The following TENM4 variants were observed in gnomAD, a reference collection of about 807,000 sequenced individuals.
TENM4 encodes teneurin transmembrane protein 4.
Under a neutral mutation model 243.3 loss-of-function variants are expected in TENM4, and 82 were observed. The observed-to-expected ratio is 0.34, with a 90% CI of 0.28 to 0.40. The LOEUF (loss-of-function observed/expected upper bound fraction) is 0.40. Among genes scored for constraint, TENM4 ranks in the 10% least tolerant of loss-of-function variants. The pLI, the probability that TENM4 is intolerant of heterozygous loss-of-function variation, is 1.00. For synonymous variants in TENM4, 1,412 were observed against 1,456.3 expected (o/e 0.97, Z 0.69); for missense variants, 3,138 against 3,673.3 (o/e 0.85, Z 3.77).
intron 19 of TENM4, among the ~76,000 whole-genome samples, chr11:78,751,176 T>G (rs1856183508): frequency 6.6e-6 from 1 of 152,230 alleles, no homozygotes; most frequent in South Asian, 2.1e-4. Context: ...CCAGCATGCT[T>G]GGGCAGCTTG....
At chr11:78,932,692 A>G (rs1375273706) in intron 6 of TENM4, among the ~76,000 whole-genome samples, 1 of 152,178 alleles carries the variant, frequency 6.6e-6, no homozygotes, top group Admixed American at 6.5e-5. Flanking sequence ...CAATTTTTCC[A>G]TGGACCAGTG....
chr11:79,233,442 A>G (rs1055183953), intron 2 of TENM4, among the ~76,000 whole-genome samples: 1 of 152,192 alleles, frequency 6.6e-6, no homozygotes, highest in Non-Finnish European at 1.5e-5. Context: ...ATTGTGGAAG[A>G]GGCAGGGGGA....
intron 19 of TENM4, among the ~76,000 whole-genome samples, chr11:78,748,884 T>A (rs1468670097): frequency 6.6e-6 from 1 of 152,118 alleles, no homozygotes; most frequent in Non-Finnish European, 1.5e-5. Flanking sequence ...CCAAACAACC[T>A]GGCAGGGTGG....
chr11:79,096,319 TAC>T (rs1861074405), intron 4 of TENM4: 2 of 152,092 alleles, frequency 1.3e-5, no homozygotes, highest in South Asian at 4.2e-4. Context: ...TGACATCGAG[TAC>T]ACAGTCAATG....
At chr11:79,337,275 G>T (rs1857162988) in intron 1 of TENM4, among the ~76,000 whole-genome samples, 1 of 152,220 alleles carries the variant, frequency 6.6e-6, no homozygotes, top group African/African-American at 2.4e-5. Flanking sequence ...ACTGGGAGGA[G>T]CAGATGTTTG....
At chr11:78,688,530 A>G (rs770839902) in intron 28 of TENM4, among the ~76,000 whole-genome samples, 3 of 152,094 alleles carry the variant, frequency 2.0e-5, no homozygotes, top group South Asian at 2.1e-4. Flanking sequence ...CTAGAATTCA[A>G]TTGTGAGGGG....
intron 6 of TENM4, among the ~76,000 whole-genome samples, chr11:79,045,276 C>G (rs143274164): frequency 3.3e-5 from 5 of 152,200 alleles, no homozygotes; most frequent in Non-Finnish European, 5.9e-5. Flanking sequence ...GGTCACAGCT[C>G]CACTGGGCAT....
At chr11:79,403,943 G>A (rs939303734) in intron 1 of TENM4, among the ~76,000 whole-genome samples, 4 of 152,218 alleles carry the variant, frequency 2.6e-5, no homozygotes, top group Admixed American at 6.5e-5. Context: ...ATGGTCACAT[G>A]CCCAGAGAAT....
intron 3 of TENM4, among the ~76,000 whole-genome samples, chr11:79,170,740 C>G (rs736392): frequency 0.32 from 49,245 of 152,072 alleles, 8,234 homozygotes; most frequent in East Asian, 0.43. Flanking sequence ...CTGACACCTG[C>G]CTTTCAGACT....
chr11:78,955,319 G>A (rs1857186092), intron 6 of TENM4, among the ~76,000 whole-genome samples: 1 of 152,234 alleles, frequency 6.6e-6, no homozygotes, highest in African/African-American at 2.4e-5. Flanking sequence ...ACAAATGTTA[G>A]TTCTACTAAT....
At chr11:78,771,662 G>T (rs1856649384) in intron 17 of TENM4, among the ~76,000 whole-genome samples, 1 of 152,170 alleles carries the variant, frequency 6.6e-6, no homozygotes, top group Admixed American at 6.5e-5. Context: ...TTGGACCCTA[G>T]GCTTTTCATT....
chr11:78,669,880 C>T lies in TENM4; in HGVS notation c.6465G>A (p.Gln2155=). 6.2e-7 allele frequency: 1 copy of T among 1,613,828 alleles called. No homozygotes were observed. Among genetic ancestry groups the T allele is most frequent in the Non-Finnish European group, 8.5e-7 (1 of 1,179,836 alleles). The change falls in exon 32 of 34, where the codon CAG becomes CAA. Residue 2155 remains glutamine (Q), a synonymous_variant. Coordinates refer to ENST00000278550, the MANE Select transcript of TENM4 (RefSeq NM_001098816.3). This position sits in a 1 kb window ranked among gnomAD's most constrained non-coding sequence, Gnocchi z 6.4. The part of the protein sequence containing the change: ...FDAYGRMKEV[Q]YEIFRSLMYW... ...ACATGAGCGAGCGGAAGATCTCATA[C>T]TGCACTTCCTTCATCCTGCCATATG...
At chr11:78,865,046 A>G (rs1858934703) in intron 9 of TENM4, among the ~76,000 whole-genome samples, 1 of 152,208 alleles carries the variant, frequency 6.6e-6, no homozygotes, top group Admixed American at 6.5e-5. Context: ...ACTTGTATAT[A>G]TTAATCCTCA....
At chr11:78,896,465 T>G (rs1565428549) in intron 7 of TENM4, among the ~76,000 whole-genome samples, 1 of 152,114 alleles carries the variant, frequency 6.6e-6, no homozygotes. Flanking sequence ...TGCTAGCTAT[T>G]CACCCTCATG....
Position 78,702,043 on chromosome 11 carries a change from A to G in TENM4, c.4570T>C (p.Phe1524Leu). Residue 1524 changes from phenylalanine (F) to leucine (L), a missense_variant, in exon 28 of 34, where the codon TTT becomes CTT. Coordinates refer to ENST00000278550, the MANE Select transcript of TENM4 (RefSeq NM_001098816.3). The part of the protein sequence containing the change: ...DCKNDANCDC[F>L]SGDDGYAKDA... ...TTGGCATAACCATCGTCTCCAGAAA[A>G]ACAATCACAGTTGGCATCATTTTTA... is the stretch of plus-strand genomic sequence containing the variant. 1 of 1,613,772 alleles carries G rather than the reference A, an allele frequency of 6.2e-7. No individual in the cohort carries two copies. The highest frequency in any genetic ancestry group is 8.5e-7 in the Non-Finnish European group (1 of 1,179,756).
intron 9 of TENM4, among the ~76,000 whole-genome samples, chr11:78,875,690 G>A (rs940333567): frequency 2.0e-5 from 3 of 152,114 alleles, no homozygotes; most frequent in Admixed American, 1.3e-4. Flanking sequence ...TTTAACCTTC[G>A]TGGCCTCAGT....
At chr11:79,242,377 AAAAAAT>A (rs1449219678) in intron 2 of TENM4, among the ~76,000 whole-genome samples, 2 of 152,178 alleles carry the variant, frequency 1.3e-5, no homozygotes, top group East Asian at 3.9e-4. Context: ...CAAATATAGA[AAAAAAT>A]AAAAATAAAA....
Position 79,347,282 on chromosome 11 carries a change from G to A in TENM4, c.-320-49739C>T, listed in dbSNP as rs192906673. On this transcript the variant is annotated intron_variant, in intron 1 of 33. Transcript: ENST00000278550. Reference sequence around the variant, plus strand: ...CCCATACCCCACTAGTCACCACCACGGTGCCTTTACACTGGTCCTGTAGGG... The same window carrying A: ...CCCATACCCCACTAGTCACCACCACAGTGCCTTTACACTGGTCCTGTAGGG... 1.2e-3 allele frequency among the ~76,000 whole-genome samples: 179 copies of A among 152,236 alleles called. 1 individual carries two copies. Among genetic ancestry groups the A allele is most frequent in the African/African-American group, 4.2e-3 (173 of 41,548 alleles).
chr11:79,244,200 T>G (rs888973466), intron 2 of TENM4, among the ~76,000 whole-genome samples: 1 of 152,190 alleles, frequency 6.6e-6, no homozygotes, highest in African/African-American at 2.4e-5. Flanking sequence ...CAGGTGAGGC[T>G]AATGCTCCTG....
Sources: gnomAD v4.1 joint callset for allele counts (sites outside exome capture counted in the v4.1 genomes callset) on GRCh38, gnomAD v4.1.1 for gene constraint, Gnocchi (gnomAD v3.1) non-coding constraint, MANE v1.5 for transcripts, NCBI Gene and HGNC (gene_info 2026-07-23, HGNC 2026-07-21) for gene names.